The following KERA variants were observed in gnomAD, a reference collection of about 807,000 sequenced individuals.
KERA encodes keratocan, also known as keratan sulfate proteoglycan keratocan.
A neutral mutation model predicts 26.4 loss-of-function variants in KERA; 25 were observed. The ratio of observed to expected loss-of-function variants is 0.95; its 90% CI spans 0.69 to 1.32. The LOEUF is 1.32. Among genes scored for constraint, KERA ranks in the 40% most tolerant of loss-of-function variants. The pLI, the probability that KERA is intolerant of heterozygous loss-of-function variation, is 0.00. For synonymous variants in KERA, 167 were observed against 146.1 expected, an observed-to-expected ratio of 1.14 and a Z score of -1.03; for missense variants, 434 against 408.9, an observed-to-expected ratio of 1.06 and a Z score of -0.53.
At position 91,055,475 on chromosome 12, in the gene KERA, C is replaced by A. The variant is rs886820698; in HGVS notation, c.807G>T (p.Leu269=). ...GAACCTTTGTGAGTTGATTGTGCGA[C>A]AGTTGAAGATCTAGAATTGATGATA... ...FDVSSILDLQ[L]SHNQLTKVPR... is the part of the protein sequence containing the mutation. Residue 269 remains leucine (L), a synonymous_variant, in exon 2 of 3, where the codon CTG becomes CTT. Coordinates refer to ENST00000266719, the MANE Select transcript of KERA (RefSeq NM_007035.4). 1.2e-6 allele frequency: 2 copies of A among 1,610,000 alleles called. No homozygotes were observed. The highest frequency in any genetic ancestry group is 1.7e-6 in the Non-Finnish European group (2 of 1,177,580).
rs116407011 is a variant in KERA at position 91,054,870 on chromosome 12, G to A, written c.886+526C>T. On this transcript the variant is annotated intron_variant, in intron 2 of 2. Transcript: ENST00000266719. ...CACATCTACTGAATCAGAAATTCTG[G>A]GGGTGGAGTCACCAGCCTTTACACA... 9.2e-3 allele frequency among the ~76,000 whole-genome samples: 1,386 copies of A among 151,262 alleles called. 25 individuals are homozygous for A. The highest frequency in any genetic ancestry group is 0.032 in the African/African-American group (1,340 of 41,404).
intron 2 of KERA, among the ~76,000 whole-genome samples, chr12:91,054,507 C>T (rs74577177): frequency 0.078 from 11,851 of 151,188 alleles, 727 homozygotes; most frequent in African/African-American, 0.16. Flanking sequence ...ATTTTTACAC[C>T]AAGTCCAGCC....
chr12:91,057,204 A>T (rs543469663), intron 1 of KERA, among the ~76,000 whole-genome samples: 3 of 150,508 alleles, frequency 2.0e-5, no homozygotes, highest in Non-Finnish European at 4.5e-5. Flanking sequence ...TATTCATATT[A>T]TCAGTGTGGA....
In KERA at chr12:91,056,109, C is replaced by T. The variant is rs1444658282; in HGVS notation, c.173G>A (p.Cys58Tyr). Reference sequence around the variant, plus strand: ...AATTTCTTTGAGACCTCTATTTTCACAATATAAAGCAGTAGGAAAACTGGG... The same window carrying T: ...AATTTCTTTGAGACCTCTATTTTCATAATATAAAGCAGTAGGAAAACTGGG... Reference protein sequence around the residue: ...CPPSFPTALYCENRGLKEIPA... With the variant: ...CPPSFPTALYYENRGLKEIPA... The change falls in exon 2 of 3, where the codon TGT becomes TAT. Residue 58 changes from cysteine to tyrosine, a missense_variant. Cys to Tyr is a radical substitution (Grantham distance 194). Transcript: ENST00000266719. 1 of 1,609,620 alleles carries T rather than the reference C, an allele frequency of 6.2e-7. No individual in the cohort carries two copies. Among genetic ancestry groups the T allele is most frequent in the Admixed American group, 1.7e-5 (1 of 59,542 alleles).
chr12:91,051,804 G>A (rs771994389), intron 2 of KERA, among the ~76,000 whole-genome samples: 2 of 151,500 alleles, frequency 1.3e-5, no homozygotes, highest in Non-Finnish European at 3.0e-5. Context: ...ATGTGTATAA[G>A]ACGTCACTTG....
At position 91,051,537 on chromosome 12, in the gene KERA, T is replaced by G; in HGVS notation, c.887-19A>C. On this transcript the variant is annotated intron_variant, in intron 2 of 2. Coordinates refer to ENST00000266719, the MANE Select transcript of KERA (RefSeq NM_007035.4). ...TTCACACCTACAGTGACAAAGAGAA[T>G]AGATGAATGAATTGGAACACAAGAG... The G allele has an allele frequency of 6.4e-7, 1 of 1,572,926 alleles. No individual in the cohort carries two copies. The highest frequency in any genetic ancestry group is 8.7e-7 in the Non-Finnish European group (1 of 1,143,410).
chr12:91,054,456 A>G (rs1272618063), intron 2 of KERA, among the ~76,000 whole-genome samples: 1 of 151,336 alleles, frequency 6.6e-6, no homozygotes, highest in Non-Finnish European at 1.5e-5. Context: ...AGATGCATAG[A>G]TAAATGCCAG....
rs150558742 is a variant in KERA at position 91,051,102 on chromosome 12, T to C, written c.*244A>G. ...GGAAGAGACCAAAATAAAACTATCTTTGAGTTGATAAACTATCTTAACTCT... is the reference window on the plus strand; with the variant it reads ...GGAAGAGACCAAAATAAAACTATCTCTGAGTTGATAAACTATCTTAACTCT... On this transcript the variant is annotated 3_prime_UTR_variant, in exon 3 of 3. Transcript: ENST00000266719. 66 of 460,128 alleles carry C rather than the reference T, an allele frequency of 1.4e-4. No individual in the cohort carries two copies. Among genetic ancestry groups the C allele is most frequent in the African/African-American group, 9.8e-4 (50 of 50,806 alleles). 28.5% of individuals were successfully genotyped at this position (460,128 alleles called of 1,614,324 possible).
At chr12:91,051,676 CCTAT>C (rs1443780672) in intron 2 of KERA, among the ~76,000 whole-genome samples, 158 bp from the exon 3 acceptor site, 20 of 151,580 alleles carry the variant, frequency 1.3e-4, no homozygotes, top group Non-Finnish European at 2.4e-4. Context: ...AGAAATTGTG[CCTAT>C]CTGTTTCCCC....
In KERA at chr12:91,055,962, A is replaced by G; in HGVS notation, c.320T>C (p.Ile107Thr). 6.2e-7 allele frequency: 1 copy of G among 1,610,898 alleles called. No individual in the cohort carries two copies. Among genetic ancestry groups the G allele is most frequent in the Non-Finnish European group, 8.5e-7 (1 of 1,178,092 alleles). ...LRWINLNKNK[I>T]TNYGIEKGAL... The stretch of plus-strand genomic sequence containing the variant: ...TCCTTTTTCAATTCCGTAGTTGGTT[A>G]TTTTGTTCTTGTTTAGATTTATCCA... Residue 107 changes from isoleucine (I) to threonine (T), a missense_variant, in exon 2 of 3, where the codon ATA (isoleucine) becomes ACA (threonine). Physicochemically the swap from Ile to Thr is moderately conservative, Grantham distance 89. Coordinates refer to ENST00000266719, the MANE Select transcript of KERA (RefSeq NM_007035.4).
In KERA at chr12:91,055,552, G is replaced by A; in HGVS notation, c.730C>T (p.Leu244=). The change falls in exon 2 of 3, where the codon CTA becomes TTA. Residue 244 remains leucine, a synonymous_variant. Coordinates refer to ENST00000266719, the MANE Select transcript of KERA (RefSeq NM_007035.4). The part of the protein sequence containing the change: ...NVIPKVAFLR[L]NHNKLSDEGL... ...TCATCTGACAGTTTGTTGTGATTTA[G>A]TCTCAAAAAGGCCACTTTAGGAATC... 4 of 1,610,526 alleles carry A rather than the reference G, an allele frequency of 2.5e-6. No homozygotes were observed. Among genetic ancestry groups the A allele is most frequent in the Non-Finnish European group, 2.5e-6 (3 of 1,177,796 alleles).
chr12:91,056,321 T>C (rs1592648396), intron 1 of KERA, 32 bp from the exon 2 acceptor site: 2 of 1,530,806 alleles, frequency 1.3e-6, no homozygotes, highest in East Asian at 4.5e-5. Flanking sequence ...TGTTAGATAT[T>C]TGAAGATCTT....
rs577058874 is a variant in KERA, at chr12:91,052,333, T to C, written c.887-815A>G. The stretch of plus-strand genomic sequence containing the variant: ...AAAATTCAGGGTACTCTGTAACAGC[T>C]GATTTCAACCATGAATCCATATATT... On this transcript the variant is annotated intron_variant, in intron 2 of 2. Transcript: ENST00000266719. Among the ~76,000 whole-genome samples, 43 of 151,630 alleles carry C rather than the reference T, an allele frequency of 2.8e-4. 1 individual carries two copies. Among genetic ancestry groups the C allele is most frequent in the African/African-American group, 1.0e-3 (43 of 41,454 alleles).
In KERA at chr12:91,055,487, T is replaced by C. The variant is rs1326417181; in HGVS notation, c.795A>G (p.Leu265=). 13 of 1,610,238 alleles carry C rather than the reference T, an allele frequency of 8.1e-6. No homozygotes were observed. Among genetic ancestry groups the C allele is most frequent in the Non-Finnish European group, 1.1e-5 (13 of 1,177,638 alleles). Reference sequence around the variant, plus strand: ...GTTGATTGTGCGACAGTTGAAGATCTAGAATTGATGATACATCAAATCCTC... The same window carrying C: ...GTTGATTGTGCGACAGTTGAAGATCCAGAATTGATGATACATCAAATCCTC... ...PSRGFDVSSI[L]DLQLSHNQLT... The change falls in exon 2 of 3, where the codon CTA becomes CTG. Residue 265 remains leucine, a synonymous_variant. Transcript: ENST00000266719.
intron 2 of KERA, among the ~76,000 whole-genome samples, chr12:91,052,212 G>A (rs2120953938): frequency 6.6e-6 from 1 of 151,578 alleles, no homozygotes; most frequent in South Asian, 2.1e-4. Flanking sequence ...GGTTAGGATG[G>A]GAGTAATTGT....
intron 2 of KERA, among the ~76,000 whole-genome samples, chr12:91,054,115 C>T (rs534614923): frequency 1.3e-5 from 2 of 151,118 alleles, no homozygotes; most frequent in African/African-American, 2.4e-5. Context: ...GAAAAATAAC[C>T]GCTATGATGG....
At chr12:91,057,176 G>A (rs949368697) in intron 1 of KERA, among the ~76,000 whole-genome samples, 4 of 150,244 alleles carry the variant, frequency 2.7e-5, no homozygotes, top group East Asian at 2.0e-4. Flanking sequence ...TTTAGGATAC[G>A]GGTGGAGAAT....
Position 91,056,151 on chromosome 12 carries a change from A to G in KERA, c.131T>C (p.Met44Thr), listed in dbSNP as rs758594193. Reference sequence around the variant, plus strand: ...AAAACTGGGTGGGCAGAAACATTCCATGGGACACTCGAAGTCATGAATAGT... The same window carrying G: ...AAAACTGGGTGGGCAGAAACATTCCGTGGGACACTCGAAGTCATGAATAGT... ...DWTIHDFECPMECFCPPSFPT... is the reference protein window; with the variant it reads ...DWTIHDFECPTECFCPPSFPT... Residue 44 changes from methionine (M) to threonine (T), a missense_variant, in exon 2 of 3, where the codon ATG (methionine) becomes ACG (threonine). Coordinates refer to ENST00000266719, the MANE Select transcript of KERA (RefSeq NM_007035.4). The G allele has an allele frequency of 4.0e-5, 65 of 1,610,552 alleles. No individual in the cohort carries two copies. The Middle Eastern group carries it at 5.0e-4, about 12-fold the overall frequency.
At chr12:91,052,498 C>G (rs1271342995) in intron 2 of KERA, among the ~76,000 whole-genome samples, 1 of 151,518 alleles carries the variant, frequency 6.6e-6, no homozygotes, top group Non-Finnish European at 1.5e-5. Flanking sequence ...ATGTTTCCAG[C>G]AAGGTTGCTT....
Sources: gnomAD v4.1 joint callset for allele counts (sites outside exome capture counted in the v4.1 genomes callset) on GRCh38, gnomAD v4.1.1 for gene constraint, MANE v1.5 for transcripts, NCBI Gene and HGNC (gene_info 2026-07-23, HGNC 2026-07-21) for gene names.